The following FAM184B variants were observed in gnomAD, a reference collection of about 807,000 sequenced individuals.
The protein encoded by FAM184B is family with sequence similarity 184 member B, also known as protein FAM184B.
A neutral mutation model predicts 135.9 loss-of-function variants in FAM184B; 111 were observed. That is an observed-to-expected ratio of 0.82 (90% CI 0.70 to 0.96). The LOEUF is 0.96. Among genes scored for constraint, FAM184B ranks in the 40% least tolerant of loss-of-function variants. The pLI is 0.00. For synonymous variants in FAM184B, 552 were observed against 524.8 expected, an observed-to-expected ratio of 1.05 and a Z score of -0.71; for missense variants, 1,375 against 1,323.9, an observed-to-expected ratio of 1.04 and a Z score of -0.60.
At chr4:17,665,893 C>T (rs1716036755) in intron 7 of FAM184B, among the ~76,000 whole-genome samples, 1 of 135,212 alleles carries the variant, frequency 7.4e-6, no homozygotes, top group South Asian at 2.6e-4. Flanking sequence ...CTTTCTCCTC[C>T]CCCCGCCCCC....
At chr4:17,637,891 G>A (rs929346683) in intron 14 of FAM184B, among the ~76,000 whole-genome samples, 4 of 152,068 alleles carry the variant, frequency 2.6e-5, no homozygotes, top group Non-Finnish European at 5.9e-5. Flanking sequence ...CTCCTGCCCA[G>A]TGCCTTGTGA....
intron 12 of FAM184B, among the ~76,000 whole-genome samples, chr4:17,644,535 GC>G (rs1715411294): frequency 6.6e-6 from 1 of 152,110 alleles, no homozygotes; most frequent in Admixed American, 6.5e-5. Context: ...AAATTCAACA[GC>G]CCTTCATGCT....
chr4:17,781,136 T>C lies in FAM184B; in HGVS notation c.141+23A>G. Reference sequence around the variant, plus strand: ...CGGGCGCCCCGGGCGTGCAGCTCGCTGGCCCGCTGCGCCCCACCTTACCTT... The same window carrying C: ...CGGGCGCCCCGGGCGTGCAGCTCGCCGGCCCGCTGCGCCCCACCTTACCTT... On this transcript the variant is annotated intron_variant, in intron 1 of 17. Coordinates refer to ENST00000265018, the MANE Select transcript of FAM184B (RefSeq NM_015688.2). The surrounding 1 kb of genome is among the most constrained non-coding windows in gnomAD (Gnocchi z 6.5). 1 of 1,505,518 alleles carries C rather than the reference T, an allele frequency of 6.6e-7. No individual in the cohort carries two copies. The highest frequency in any genetic ancestry group is 2.1e-5 in the Admixed American group (1 of 46,868). The allele number at this position is 1,505,518 out of a possible 1,614,324, so 93.3% of individuals were successfully genotyped here.
chr4:17,633,922 A>T, intron 16 of FAM184B, 34 bp from the exon 17 acceptor site: 1 of 1,343,978 alleles, frequency 7.4e-7, no homozygotes. Flanking sequence ...AGTGCAATGC[A>T]ATGCAAAAAA....
At chr4:17,691,530 CA>C (rs1171794398) in intron 6 of FAM184B, among the ~76,000 whole-genome samples, 1 of 151,578 alleles carries the variant, frequency 6.6e-6, no homozygotes, top group Non-Finnish European at 1.5e-5. Flanking sequence ...TACTAAAATG[CA>C]AAAAATTAGC....
intron 17 of FAM184B, chr4:17,632,991 G>A (rs551468804): frequency 5.0e-4 from 83 of 167,486 alleles, no homozygotes; most frequent in African/African-American, 1.8e-3. Flanking sequence ...GCATGATCTC[G>A]GCTCACTGCA....
At chr4:17,681,854 A>G (rs1716450033) in intron 7 of FAM184B, among the ~76,000 whole-genome samples, 1 of 152,158 alleles carries the variant, frequency 6.6e-6, no homozygotes, top group African/African-American at 2.4e-5. Flanking sequence ...TTCTTCTGGA[A>G]TAGTTTCCTG....
intron 1 of FAM184B, among the ~76,000 whole-genome samples, chr4:17,746,808 C>T (rs570045958): frequency 3.3e-3 from 504 of 150,568 alleles, no homozygotes; most frequent in Non-Finnish European, 5.7e-3. Flanking sequence ...GAGGCTGAGG[C>T]GGGCGGATCA....
chr4:17,778,774 G>A (rs1397519878), intron 1 of FAM184B, among the ~76,000 whole-genome samples: 8 of 152,082 alleles, frequency 5.3e-5, no homozygotes, highest in African/African-American at 1.9e-4. Flanking sequence ...TGGGAGGATT[G>A]CTTGAGGCCA....
At chr4:17,637,994 T>TCC (rs1715195643) in intron 14 of FAM184B, among the ~76,000 whole-genome samples, 1 of 16,644 alleles carries the variant, frequency 6.0e-5, no homozygotes. Context: ...TCACCCTCCC[T>TCC]CTCACTGATG....
At chr4:17,697,140 A>G (rs954563779) in intron 5 of FAM184B, among the ~76,000 whole-genome samples, 1 of 152,180 alleles carries the variant, frequency 6.6e-6, no homozygotes, top group Non-Finnish European at 1.5e-5. Context: ...CTGGATCAGC[A>G]TGGTACCACT....
At chr4:17,705,574 T>C (rs1717090626) in intron 4 of FAM184B, among the ~76,000 whole-genome samples, 178 bp downstream of exon 4, 1 of 152,214 alleles carries the variant, frequency 6.6e-6, no homozygotes, top group African/African-American at 2.4e-5. Context: ...CTCAGTCTCC[T>C]GGTTTCCAGT....
At chr4:17,730,054 A>G (rs554804298) in intron 1 of FAM184B, among the ~76,000 whole-genome samples, 25 of 152,192 alleles carry the variant, frequency 1.6e-4, no homozygotes, top group South Asian at 4.2e-4. Flanking sequence ...AATAACCAAC[A>G]CAGAGAAGTC....
chr4:17,633,768 A>T lies in FAM184B; in HGVS notation c.3010T>A (p.Ser1004Thr). The change falls in exon 17 of 18, where the codon TCA becomes ACA. Residue 1004 changes from serine to threonine, a missense_variant. By Grantham distance (58) the Ser-to-Thr change is moderately conservative. Transcript: ENST00000265018. ...CTGGGGCTTGGGTCCAAGCTGGGTG[A>T]TGTAGTTATTGGAGGGGCATTAATC... ...SRINAPPITT[S>T]PSLDPSPSCG... 3 of 1,551,512 alleles carry T rather than the reference A, an allele frequency of 1.9e-6. No homozygotes were observed. The highest frequency in any genetic ancestry group is 2.6e-6 in the Non-Finnish European group (3 of 1,146,946).
intron 1 of FAM184B, among the ~76,000 whole-genome samples, chr4:17,762,174 C>G (rs886667985): frequency 6.6e-6 from 1 of 152,130 alleles, no homozygotes; most frequent in South Asian, 2.1e-4. Context: ...TAAGCTTGTA[C>G]TAAATATTTA....
At chr4:17,729,893 C>T (rs1717734682) in intron 1 of FAM184B, among the ~76,000 whole-genome samples, 1 of 152,164 alleles carries the variant, frequency 6.6e-6, no homozygotes. Flanking sequence ...TCCTCACCAG[C>T]AATGGAACAA....
At chr4:17,684,319 T>C (rs1438205941) in intron 7 of FAM184B, among the ~76,000 whole-genome samples, 2 of 151,450 alleles carry the variant, frequency 1.3e-5, no homozygotes, top group East Asian at 1.9e-4. Flanking sequence ...AAAGGATACA[T>C]AAGAAGAGAG....
rs538095517 is a variant in FAM184B at position 17,738,146 on chromosome 4, A to G, written c.142-28502T>C. Among the ~76,000 whole-genome samples, 3 of 152,248 alleles carry G rather than the reference A, an allele frequency of 2.0e-5. No homozygotes were observed. In the South Asian group the frequency reaches 6.2e-4, roughly 32 times the overall value. On this transcript the variant is annotated intron_variant, in intron 1 of 17. Transcript: ENST00000265018. ...CCAAAGTGATTGGCATAGGATGGGC[A>G]TGTGACTCAAGCCAAGCCAAGCAGT... is the stretch of plus-strand genomic sequence containing the variant.
chr4:17,728,146 G>T (rs1300507314), intron 1 of FAM184B, among the ~76,000 whole-genome samples: 1 of 152,084 alleles, frequency 6.6e-6, no homozygotes, highest in Non-Finnish European at 1.5e-5. Context: ...AGGAATTATG[G>T]TCATAATGAC....
Sources: gnomAD v4.1 joint callset for allele counts (sites outside exome capture counted in the v4.1 genomes callset) on GRCh38, gnomAD v4.1.1 for gene constraint, Gnocchi (gnomAD v3.1) non-coding constraint, MANE v1.5 for transcripts, NCBI Gene and HGNC (gene_info 2026-07-23, HGNC 2026-07-21) for gene names.